The following GREM2 variants were observed in gnomAD, a reference collection of about 807,000 sequenced individuals.
GREM2 encodes gremlin 2, DAN family BMP antagonist.
Under a neutral mutation model 14.2 loss-of-function variants are expected in GREM2, and 11 were observed. That is an observed-to-expected ratio of 0.78 (90% CI 0.49 to 1.28). GREM2 has a LOEUF of 1.28. Ranked by LOEUF, GREM2 falls within the 50% of genes most tolerant of loss-of-function variation. The pLI is 0.00. For synonymous variants in GREM2, 98 were observed against 97.6 expected, an observed-to-expected ratio of 1.00 and a Z score of -0.02; for missense variants, 210 against 218.5, an observed-to-expected ratio of 0.96 and a Z score of 0.24.
At chr1:240,602,536 G>A (rs1294220606) in intron 1 of GREM2, among the ~76,000 whole-genome samples, 1 of 152,130 alleles carries the variant, frequency 6.6e-6, no homozygotes, top group Non-Finnish European at 1.5e-5. Flanking sequence ...GAAGAGAAAA[G>A]AGCATGAAAA....
chr1:240,507,037 A>C (rs1269472002), intron 1 of GREM2, among the ~76,000 whole-genome samples: 2 of 152,204 alleles, frequency 1.3e-5, no homozygotes, highest in African/African-American at 4.8e-5. Flanking sequence ...GCTGGTATTC[A>C]CCATGATAGA....
chr1:240,562,708 C>CGTGTGTGTGT (rs10643403), intron 1 of GREM2, among the ~76,000 whole-genome samples: 12 of 150,510 alleles, frequency 8.0e-5, no homozygotes, highest in African/African-American at 2.9e-4. Context: ...ACAGGATTGC[C>CGTGTGTGTGT]GTGTGTGTGT....
chr1:240,496,531 T>A (rs1449680367), intron 1 of GREM2, among the ~76,000 whole-genome samples: 2 of 152,222 alleles, frequency 1.3e-5, no homozygotes, highest in African/African-American at 4.8e-5. Context: ...CGTCTCCTCC[T>A]TCCCTGCTTT....
intron 1 of GREM2, among the ~76,000 whole-genome samples, chr1:240,495,300 A>T (rs76646403): frequency 0.034 from 5,117 of 152,274 alleles, 307 homozygotes; most frequent in African/African-American, 0.12. Flanking sequence ...ATGAATTCCC[A>T]TTCTTTTAAC....
intron 1 of GREM2, among the ~76,000 whole-genome samples, chr1:240,524,662 T>A (rs960842962): frequency 6.6e-6 from 1 of 152,226 alleles, no homozygotes; most frequent in Non-Finnish European, 1.5e-5. Context: ...AATGATTTTT[T>A]AAGATAATCT....
At chr1:240,593,214 T>C (rs1679744906) in intron 1 of GREM2, among the ~76,000 whole-genome samples, 3 of 152,082 alleles carry the variant, frequency 2.0e-5, no homozygotes, top group Admixed American at 6.6e-5. Context: ...TCAAATGTCA[T>C]CTCCTTTGTA....
chr1:240,562,917 AGT>A (rs1303733839), intron 1 of GREM2, among the ~76,000 whole-genome samples: 8 of 133,510 alleles, frequency 6.0e-5, no homozygotes, highest in African/African-American at 2.1e-4. Context: ...TATGTCTGTG[AGT>A]GTATGTGTAT....
chr1:240,512,665 A>G (rs184071606), intron 1 of GREM2, among the ~76,000 whole-genome samples: 2 of 152,348 alleles, frequency 1.3e-5, no homozygotes. Context: ...GCAATATGAC[A>G]TTTGAGATCT....
rs770824060 is a variant in GREM2, at chr1:240,493,516, G to A, written c.-1-40C>T. On this transcript the variant is annotated intron_variant, in intron 1 of 1. Coordinates refer to ENST00000318160, the MANE Select transcript of GREM2 (RefSeq NM_022469.4). ...AGAGAGGGGCTGGCTGTGAAGGGCC[G>A]TAGAGTACGGGATCAATCTTACTTA... The A allele has an allele frequency of 1.3e-5, 20 of 1,535,498 alleles. No individual in the cohort carries two copies. In the Admixed American group the frequency reaches 4.1e-4, roughly 31 times the overall value.
intron 1 of GREM2, among the ~76,000 whole-genome samples, chr1:240,578,163 T>A (rs1460981265): frequency 6.6e-6 from 1 of 152,166 alleles, no homozygotes; most frequent in African/African-American, 2.4e-5. Context: ...TCTCACTCTG[T>A]TGCCCAGGCT....
At position 240,610,927 on chromosome 1, in the gene GREM2, C is replaced by G. The variant is rs577657320; in HGVS notation, c.-2+957G>C. On this transcript the variant is annotated intron_variant, in intron 1 of 1. Coordinates refer to ENST00000318160, the MANE Select transcript of GREM2 (RefSeq NM_022469.4). ...TTCTTGCAGTCCCCTCTGGCTTTTC[C>G]CAGGAAAGACTGAACTCATTAAGCA... is the stretch of plus-strand genomic sequence containing the variant. Among the ~76,000 whole-genome samples the G allele has an allele frequency of 3.9e-4, 59 of 152,180 alleles. No homozygotes were observed. The South Asian group carries it at 0.012, about 31-fold the overall frequency.
At chr1:240,511,558 C>T (rs967252231) in intron 1 of GREM2, among the ~76,000 whole-genome samples, 6 of 152,136 alleles carry the variant, frequency 3.9e-5, no homozygotes, top group African/African-American at 1.4e-4. Flanking sequence ...GGAGACCAGC[C>T]TGGCCAACAC....
intron 1 of GREM2, among the ~76,000 whole-genome samples, chr1:240,591,149 C>T (rs933061392): frequency 8.5e-5 from 13 of 152,124 alleles, no homozygotes; most frequent in Non-Finnish European, 2.9e-5. Flanking sequence ...CCCTGTCCAC[C>T]CCATCAAAAG....
intron 1 of GREM2, among the ~76,000 whole-genome samples, chr1:240,529,883 G>A (rs749205647): frequency 2.6e-5 from 4 of 152,090 alleles, no homozygotes; most frequent in Non-Finnish European, 5.9e-5. Context: ...TATTTAATAA[G>A]CAAACACAGA....
intron 1 of GREM2, among the ~76,000 whole-genome samples, chr1:240,514,247 CAAAAAA>C (rs34702912): frequency 3.7e-5 from 3 of 80,282 alleles, no homozygotes; most frequent in African/African-American, 4.8e-5. Flanking sequence ...GATTCCATCT[CAAAAAA>C]AAAAAAAAAA....
At chr1:240,611,360 C>T (rs1393218997) in intron 1 of GREM2, among the ~76,000 whole-genome samples, 1 of 152,124 alleles carries the variant, frequency 6.6e-6, no homozygotes, top group Non-Finnish European at 1.5e-5. Context: ...TCAACCACAG[C>T]GTAGTGATAA....
intron 1 of GREM2, among the ~76,000 whole-genome samples, chr1:240,531,965 T>C (rs2103315632): frequency 6.6e-6 from 1 of 152,284 alleles, no homozygotes; most frequent in Middle Eastern, 3.4e-3. Context: ...CTTTGTTTCC[T>C]GTCCAAGACA....
intron 1 of GREM2, among the ~76,000 whole-genome samples, chr1:240,547,102 A>G (rs1678742041): frequency 6.6e-6 from 1 of 152,168 alleles, no homozygotes; most frequent in Admixed American, 6.6e-5. Flanking sequence ...TAGATGGAGA[A>G]GGGTATTCTT....
chr1:240,609,662 G>T (rs1164119547), intron 1 of GREM2, among the ~76,000 whole-genome samples: 1 of 152,108 alleles, frequency 6.6e-6, no homozygotes, highest in Non-Finnish European at 1.5e-5. Flanking sequence ...CTGGCACGTT[G>T]CACAGGGGCA....
Sources: allele counts gnomAD v4.1 joint callset (sites outside exome capture counted in the v4.1 genomes callset), GRCh38; gene constraint gnomAD v4.1.1; transcripts MANE v1.5; gene names NCBI Gene and HGNC (gene_info 2026-07-23, HGNC 2026-07-21).